Variants in ACSS1 observed in about 807,000 individuals in gnomAD.
ACSS1 encodes the protein acyl-CoA synthetase short chain family member 1.
Under a neutral mutation model 75.3 loss-of-function variants are expected in ACSS1, and 42 were observed. That is an observed-to-expected ratio of 0.56 (90% CI 0.44 to 0.72). ACSS1 has a LOEUF of 0.72. Ranked by LOEUF, ACSS1 falls within the 30% of genes least tolerant of loss-of-function variation. ACSS1 has a pLI of 0.00. For synonymous variants in ACSS1, 380 were observed against 376.8 expected (o/e 1.01, Z -0.10); for missense variants, 782 against 935.7 (o/e 0.84, Z 2.14).
chr20:25,012,555 G>A, intron 12 of ACSS1, 46 bp downstream of exon 12: 1 of 1,607,222 alleles, frequency 6.2e-7, no homozygotes, highest in Admixed American at 1.7e-5. Context: ...CCCATAATGG[G>A]TGTGGGGTCA....
At chr20:25,053,691 G>A (rs1378609215) in intron 1 of ACSS1, among the ~76,000 whole-genome samples, 1 of 152,130 alleles carries the variant, frequency 6.6e-6, no homozygotes, top group Non-Finnish European at 1.5e-5. Context: ...CCACAGAGAG[G>A]AAACTACAGC....
chr20:25,017,223 A>G (rs1458107415), intron 7 of ACSS1, among the ~76,000 whole-genome samples: 1 of 152,202 alleles, frequency 6.6e-6, no homozygotes, highest in Non-Finnish European at 1.5e-5. Flanking sequence ...GTATCCATGT[A>G]TTACTTATGA....
intron 2 of ACSS1, among the ~76,000 whole-genome samples, chr20:25,036,142 C>G (rs2088904512): frequency 6.6e-6 from 1 of 152,166 alleles, no homozygotes; most frequent in South Asian, 2.1e-4. Flanking sequence ...ACTTGTTGTT[C>G]AGGTACTGAG....
intron 1 of ACSS1, among the ~76,000 whole-genome samples, chr20:25,049,193 C>T (rs911284157): frequency 6.6e-6 from 1 of 152,100 alleles, no homozygotes; most frequent in South Asian, 2.1e-4. Flanking sequence ...AAAGAGAAGA[C>T]ATGCCCAAAA....
At chr20:25,015,769 T>C (rs1011875505) in intron 7 of ACSS1, among the ~76,000 whole-genome samples, 4 of 152,232 alleles carry the variant, frequency 2.6e-5, no homozygotes, top group African/African-American at 9.6e-5. Context: ...CCAGTAAGAA[T>C]GTGGGGAAAA....
chr20:25,027,551 G>A (rs1223508063), intron 3 of ACSS1, among the ~76,000 whole-genome samples: 3 of 152,060 alleles, frequency 2.0e-5, no homozygotes, highest in African/African-American at 7.2e-5. Context: ...CTCAATTGAC[G>A]CAGAGCAAGC....
intron 7 of ACSS1, among the ~76,000 whole-genome samples, chr20:25,016,236 G>A (rs2088513681): frequency 6.6e-6 from 1 of 152,172 alleles, no homozygotes; most frequent in African/African-American, 2.4e-5. Flanking sequence ...CCGTGGTGAT[G>A]CAGGCCACAC....
In ACSS1 at chr20:25,057,978, G is replaced by C. The variant is rs1447742561; in HGVS notation, c.125C>G (p.Ser42Trp). The C allele has an allele frequency of 6.4e-7, 1 of 1,556,376 alleles. No individual in the cohort carries two copies. Among genetic ancestry groups the C allele is most frequent in the African/African-American group, 1.4e-5 (1 of 72,862 alleles). Residue 42 changes from serine (S) to tryptophan (W), a missense_variant, in exon 1 of 14, where the codon TCG (serine) becomes TGG (tryptophan). This residue lies in a region of ACSS1 where 377 missense variants were observed against 383.1 expected (regional missense o/e 0.98). Coordinates refer to ENST00000323482, the MANE Select transcript of ACSS1 (RefSeq NM_032501.4). ...SAPRRAASGP[S>W]GSAPAVAAAA... ...TGCTGCAACTGCGGGAGCGCTGCCC[G>C]AGGGTCCCGAGGCCGCCCTGCGCGG...
intron 2 of ACSS1, among the ~76,000 whole-genome samples, chr20:25,042,399 C>T (rs1006316804): frequency 3.3e-5 from 5 of 152,214 alleles, no homozygotes; most frequent in African/African-American, 4.8e-5. Context: ...AGAGGCTGCC[C>T]GGGCACCCTC....
chr20:25,045,129 C>T (rs1052244502), intron 2 of ACSS1, among the ~76,000 whole-genome samples: 8 of 152,186 alleles, frequency 5.3e-5, no homozygotes, highest in East Asian at 1.9e-4. Flanking sequence ...CTTGCTAGTG[C>T]GTTCGGGCTG....
At chr20:25,022,804 G>A in intron 5 of ACSS1, 136 bp downstream of exon 5, 1 of 1,251,110 alleles carries the variant, frequency 8.0e-7, no homozygotes, top group Non-Finnish European at 1.1e-6. Flanking sequence ...ACTCGAGGGG[G>A]CCCTGCCCCG....
chr20:25,043,161 C>T (rs1043332978), intron 2 of ACSS1, among the ~76,000 whole-genome samples: 2 of 147,834 alleles, frequency 1.4e-5, no homozygotes, highest in Non-Finnish European at 2.9e-5. Context: ...CTCACCAGTC[C>T]CCCACTCCTG....
At chr20:25,014,906 A>G (rs1050559563) in intron 8 of ACSS1, among the ~76,000 whole-genome samples, 2 of 152,188 alleles carry the variant, frequency 1.3e-5, no homozygotes, top group Non-Finnish European at 2.9e-5. Flanking sequence ...CCACCTCACA[A>G]AGGAGGAAAC....
chr20:25,046,927 C>G, intron 2 of ACSS1: 2 of 779,320 alleles, frequency 2.6e-6, no homozygotes, highest in East Asian at 2.4e-5. Context: ...GTGGGGGAGA[C>G]GGGTCAGCAA....
At chr20:25,054,733 G>T (rs771592583) in intron 1 of ACSS1, among the ~76,000 whole-genome samples, 1 of 152,240 alleles carries the variant, frequency 6.6e-6, no homozygotes, top group African/African-American at 2.4e-5. Flanking sequence ...ACACTGAGGA[G>T]CAGGAGCAAG....
Position 25,057,990 on chromosome 20 carries a change from G to C in ACSS1, c.113C>G (p.Ala38Gly). 1 of 1,513,566 alleles carries C rather than the reference G, an allele frequency of 6.6e-7. No individual in the cohort carries two copies. Among genetic ancestry groups the C allele is most frequent in the Non-Finnish European group, 8.8e-7 (1 of 1,132,038 alleles). The allele number at this position is 1,513,566 out of a possible 1,614,324, so 93.8% of individuals were successfully genotyped here. A position where few individuals can be genotyped will look rare whatever the true frequency, so the allele number is the denominator to read the frequency against. Residue 38 changes from alanine to glycine, a missense_variant, in exon 1 of 14, where the codon GCC becomes GGC. Physicochemically the swap from Ala to Gly is moderately conservative, Grantham distance 60. This residue lies in a region of ACSS1 where 377 missense variants were observed against 383.1 expected (regional missense o/e 0.98). Coordinates refer to ENST00000323482, the MANE Select transcript of ACSS1 (RefSeq NM_032501.4). ...PCGVSAPRRA[A>G]SGPSGSAPAV... ...GGGAGCGCTGCCCGAGGGTCCCGAGGCCGCCCTGCGCGGCGCGCTCACCCC... is the reference window on the plus strand; with the variant it reads ...GGGAGCGCTGCCCGAGGGTCCCGAGCCCGCCCTGCGCGGCGCGCTCACCCC...
At chr20:25,030,046 C>A (rs971487476) in intron 3 of ACSS1, among the ~76,000 whole-genome samples, 3 of 152,154 alleles carry the variant, frequency 2.0e-5, no homozygotes, top group African/African-American at 7.2e-5. Flanking sequence ...GGCTTCCCAG[C>A]CTTTTATACA....
Position 25,048,323 on chromosome 20 carries a change from A to G in ACSS1, c.335-142T>C, listed in dbSNP as rs553647450. The stretch of plus-strand genomic sequence containing the variant: ...AGAGACCCTGTCCTCATCAGTGATG[A>G]TGTTTCTACCCCCTTGCAAGGAGAA... On this transcript the variant is annotated intron_variant, in intron 1 of 13. Coordinates refer to ENST00000323482, the MANE Select transcript of ACSS1 (RefSeq NM_032501.4). 31 of 651,426 alleles carry G rather than the reference A, an allele frequency of 4.8e-5. No individual in the cohort carries two copies. In the South Asian group the frequency reaches 5.6e-4, roughly 12 times the overall value. The allele number at this position is 651,426 out of a possible 1,614,324, so 40.4% of individuals were successfully genotyped here. A position where few individuals can be genotyped will look rare whatever the true frequency, so the allele number is the denominator to read the frequency against.
intron 12 of ACSS1, 190 bp from the exon 13 acceptor site, chr20:25,009,578 AT>A: frequency 1.7e-6 from 1 of 592,980 alleles, no homozygotes; most frequent in Non-Finnish European, 3.0e-6. Flanking sequence ...AGTGGCAGCG[AT>A]TCTAACAGCT....
Sources: allele counts gnomAD v4.1 joint callset (sites outside exome capture counted in the v4.1 genomes callset), GRCh38; gene constraint gnomAD v4.1.1; regional missense constraint gnomAD v4.1.1; transcripts MANE v1.5; gene names NCBI Gene and HGNC (gene_info 2026-07-23, HGNC 2026-07-21).